Variants in SMIM31 observed in about 807,000 individuals in gnomAD.
SMIM31 encodes small integral membrane protein 31.
intron 2 of SMIM31, among the ~76,000 whole-genome samples, chr4:164,793,764 C>G (rs1733139096): frequency 6.6e-6 from 1 of 152,066 alleles, no homozygotes; most frequent in Admixed American, 6.6e-5. Context: ...AACACACACA[C>G]TAGGGGTTAG....
intron 2 of SMIM31, among the ~76,000 whole-genome samples, chr4:164,794,744 G>T (rs1733166167): frequency 1.3e-5 from 2 of 151,822 alleles, no homozygotes. Context: ...AGTGGAGGTT[G>T]CAGTGAGCTG....
intron 2 of SMIM31, among the ~76,000 whole-genome samples, chr4:164,781,994 A>C (rs908122332): frequency 3.9e-5 from 6 of 152,172 alleles, no homozygotes; most frequent in Admixed American, 3.3e-4. Flanking sequence ...TATCTACCTT[A>C]AAAAGTGAAT....
chr4:164,788,512 G>T (rs1385201774), intron 2 of SMIM31, among the ~76,000 whole-genome samples: 1 of 44,794 alleles, frequency 2.2e-5, no homozygotes. Context: ...TTTTTGAGAC[G>T]GAGTTTCGCT....
At chr4:164,772,589 T>TA (rs1560826421) in intron 2 of SMIM31, among the ~76,000 whole-genome samples, 3 of 140,498 alleles carry the variant, frequency 2.1e-5, no homozygotes, top group Non-Finnish European at 3.1e-5. Flanking sequence ...TATTTTATTT[T>TA]TTTTTTTGAG....
At chr4:164,755,519 G>A (rs1334412025) in intron 1 of SMIM31, among the ~76,000 whole-genome samples, 2 of 106,026 alleles carry the variant, frequency 1.9e-5, no homozygotes, top group African/African-American at 3.6e-5. Flanking sequence ...GGGGAGGAGA[G>A]GGGAAGGGAG....
intron 2 of SMIM31, among the ~76,000 whole-genome samples, chr4:164,797,412 A>G (rs929172754): frequency 6.6e-6 from 1 of 151,472 alleles, no homozygotes; most frequent in African/African-American, 2.4e-5. Context: ...ACAAAAGGAC[A>G]TGTATATATA....
intron 2 of SMIM31, among the ~76,000 whole-genome samples, chr4:164,772,607 C>G (rs1242198998): frequency 1.5e-5 from 2 of 133,238 alleles, no homozygotes; most frequent in South Asian, 2.3e-4. Context: ...GAGACGGAGT[C>G]TCGCTCTGTC....
chr4:164,782,390 T>A (rs1405691077), intron 2 of SMIM31, among the ~76,000 whole-genome samples: 1 of 146,832 alleles, frequency 6.8e-6, no homozygotes. Flanking sequence ...TTTTTTTTTT[T>A]TTTTTTGAGA....
At chr4:164,762,531 A>G (rs1732663889) in intron 1 of SMIM31, among the ~76,000 whole-genome samples, 1 of 152,076 alleles carries the variant, frequency 6.6e-6, no homozygotes, top group Admixed American at 6.6e-5. Context: ...AGCCTGGGCA[A>G]CAGGGTGAAA....
chr4:164,770,433 G>C lies in SMIM31; in HGVS notation c.-11G>C. On this transcript the variant is annotated 5_prime_UTR_variant, in exon 2 of 3. Coordinates refer to ENST00000507311, the MANE Select transcript of SMIM31 (RefSeq NM_001352885.1). ...TCCTATTGTAGGTGAAGAAGTTTTCGGTGGTGGTTCATGGAGCTTCCCTAC... is the reference window on the plus strand; with the variant it reads ...TCCTATTGTAGGTGAAGAAGTTTTCCGTGGTGGTTCATGGAGCTTCCCTAC... 2 of 398,866 alleles carry C rather than the reference G, an allele frequency of 5.0e-6. No individual in the cohort carries two copies. Among genetic ancestry groups the C allele is most frequent in the Non-Finnish European group, 4.4e-6 (1 of 226,000 alleles). 24.7% of individuals were successfully genotyped at this position (398,866 alleles called of 1,614,324 possible). A position where few individuals can be genotyped will look rare whatever the true frequency, so the allele number is the denominator to read the frequency against.
intron 2 of SMIM31, among the ~76,000 whole-genome samples, chr4:164,798,853 C>A (rs779492898): frequency 2.6e-5 from 4 of 152,034 alleles, no homozygotes; most frequent in Non-Finnish European, 5.9e-5. Context: ...TTAACACCAT[C>A]CCCTCGGTGC....
At chr4:164,788,727 C>A (rs1345603585) in intron 2 of SMIM31, among the ~76,000 whole-genome samples, 1 of 151,392 alleles carries the variant, frequency 6.6e-6, no homozygotes, top group Non-Finnish European at 1.5e-5. Context: ...CTCAGGTGAT[C>A]CGCCCGCCTC....
chr4:164,783,547 AAG>A lies in SMIM31; in HGVS notation c.112+12993_112+12994del, dbSNP rs1234626262. On this transcript the variant is annotated intron_variant, in intron 2 of 2. Transcript: ENST00000507311. ...TCAAAAAAAGAAAAAAAAAAAAAAA[AAG>A]GAATTTCCATTCCATTTCTAAATGG... Among the ~76,000 whole-genome samples the A allele has an allele frequency of 3.0e-4, 42 of 141,704 alleles. No individual in the cohort carries two copies. In the South Asian group the frequency reaches 4.2e-3, roughly 14 times the overall value. The allele number at this position is 141,704 out of a possible 152,430, so 93.0% of individuals were successfully genotyped here.
intron 2 of SMIM31, among the ~76,000 whole-genome samples, chr4:164,788,478 C>CTTTTTTTTTTTTTTCTTTTTTTTTTTT (rs1733056455): frequency 1.7e-5 from 1 of 58,162 alleles, no homozygotes; most frequent in Non-Finnish European, 3.2e-5. Flanking sequence ...TCTAATTTTT[C>CTTTTTTTTTTTTTTCTTTTTTTTTTTT]TTTTTTTTTT....
At chr4:164,761,757 A>C (rs896830021) in intron 1 of SMIM31, among the ~76,000 whole-genome samples, 13 of 113,090 alleles carry the variant, frequency 1.1e-4, no homozygotes, top group Admixed American at 7.0e-4. Flanking sequence ...TCTCTACTAA[A>C]AATACAAAAA....
chr4:164,758,622 C>CTGT (rs1732598396), intron 1 of SMIM31, among the ~76,000 whole-genome samples: 1 of 105,390 alleles, frequency 9.5e-6, no homozygotes, highest in African/African-American at 3.2e-5. Context: ...TGTAGTTTTC[C>CTGT]TTTTTTTGTT....
chr4:164,781,718 A>G (rs1363358234), intron 2 of SMIM31, among the ~76,000 whole-genome samples: 2 of 152,126 alleles, frequency 1.3e-5, no homozygotes, highest in Non-Finnish European at 2.9e-5. Context: ...GGAGAGGCCA[A>G]GGTTTTTCCC....
At chr4:164,758,768 G>A (rs957993981) in intron 1 of SMIM31, among the ~76,000 whole-genome samples, 1 of 143,078 alleles carries the variant, frequency 7.0e-6, no homozygotes, top group Non-Finnish European at 1.5e-5. Flanking sequence ...AGCATAGCTG[G>A]GACTACAGGC....
At chr4:164,772,843 G>T (rs1732829545) in intron 2 of SMIM31, among the ~76,000 whole-genome samples, 1 of 151,726 alleles carries the variant, frequency 6.6e-6, no homozygotes, top group East Asian at 1.9e-4. Context: ...CTCCCAAAGT[G>T]CTGGGATTAC....
Sources: gnomAD v4.1 joint callset for allele counts (sites outside exome capture counted in the v4.1 genomes callset) on GRCh38, gnomAD v4.1.1 for gene constraint, MANE v1.5 for transcripts, NCBI Gene and HGNC (gene_info 2026-07-23, HGNC 2026-07-21) for gene names.